The following PTPRM variants were observed in gnomAD, a reference collection of about 807,000 sequenced individuals.
PTPRM encodes the protein protein tyrosine phosphatase receptor type M.
Under a neutral mutation model 186.7 loss-of-function variants are expected in PTPRM, and 47 were observed. The observed-to-expected ratio is 0.25, with a 90% CI of 0.20 to 0.32. The LOEUF (loss-of-function observed/expected upper bound fraction) is 0.32, where lower values mean the gene tolerates loss of function less well. Ranked by LOEUF, PTPRM falls within the 10% of genes least tolerant of loss-of-function variation. The pLI is 1.00. For missense variants in PTPRM, 1,494 were observed against 1,865.0 expected, an observed-to-expected ratio of 0.80 and a Z score of 3.66; for synonymous variants, 668 against 674.9, an observed-to-expected ratio of 0.99 and a Z score of 0.16.
intron 14 of PTPRM, 105 bp from the exon 15 acceptor site, chr18:8,243,953 G>C: frequency 4.4e-6 from 5 of 1,123,958 alleles, no homozygotes; most frequent in Non-Finnish European, 6.3e-6. Flanking sequence ...TGAATGAATA[G>C]GATTAATTCA....
intron 2 of PTPRM, among the ~76,000 whole-genome samples, chr18:7,786,439 C>T (rs950460746): frequency 2.0e-5 from 3 of 152,002 alleles, no homozygotes; most frequent in African/African-American, 7.3e-5. Flanking sequence ...TGTATATTTC[C>T]TTGCTTTGTA....
chr18:7,966,581 T>G (rs8087928), intron 7 of PTPRM, among the ~76,000 whole-genome samples: 123,084 of 141,816 alleles, frequency 0.87, 53,882 homozygotes, highest in East Asian at 0.94. Context: ...GACAGTGGGC[T>G]CAGGTCAGTG....
chr18:7,684,886 T>A (rs1013523599), intron 1 of PTPRM, among the ~76,000 whole-genome samples: 1 of 152,312 alleles, frequency 6.6e-6, no homozygotes, highest in East Asian at 1.9e-4. Flanking sequence ...TGCTGGATCA[T>A]ATGATGTTTC....
rs540264723 is a variant in PTPRM at position 7,848,687 on chromosome 18, C to T, written c.197-39419C>T. 4.6e-5 allele frequency among the ~76,000 whole-genome samples: 7 copies of T among 151,978 alleles called. No homozygotes were observed. In the South Asian group the frequency reaches 1.2e-3, roughly 27 times the overall value. On this transcript the variant is annotated intron_variant, in intron 2 of 32. Transcript: ENST00000580170. ...CTGGGACAGGAGGATTGCTTGAGTC[C>T]GAGAGTTTAAGGCTGTAGTAAACTA... is the stretch of plus-strand genomic sequence containing the variant.
At chr18:7,656,222 T>C (rs2038844345) in intron 1 of PTPRM, among the ~76,000 whole-genome samples, 1 of 152,230 alleles carries the variant, frequency 6.6e-6, no homozygotes, top group Non-Finnish European at 1.5e-5. Flanking sequence ...ATGAAGTATA[T>C]TCCTTTGATG....
chr18:8,377,527 G>A (rs1310240085), intron 26 of PTPRM: 1 of 152,068 alleles, frequency 6.6e-6, no homozygotes, highest in East Asian at 1.9e-4. Flanking sequence ...TACTGGTAGT[G>A]TGCTGTTTTT....
intron 24 of PTPRM, among the ~76,000 whole-genome samples, chr18:8,373,647 C>T (rs143323812): frequency 2.0e-5 from 3 of 152,276 alleles, no homozygotes; most frequent in East Asian, 3.9e-4. Context: ...TTATACAAGA[C>T]AGAACATGAC....
chr18:7,832,219 T>C (rs2045797161), intron 2 of PTPRM, among the ~76,000 whole-genome samples: 2 of 152,220 alleles, frequency 1.3e-5, no homozygotes, highest in Admixed American at 6.5e-5. Flanking sequence ...TCCGAAGTGC[T>C]AGTACTAATT....
At position 7,955,362 on chromosome 18, in the gene PTPRM, G is replaced by A; in HGVS notation, c.1080G>A (p.Glu360=). 6.2e-7 allele frequency: 1 copy of A among 1,614,130 alleles called. No homozygotes were observed. Among genetic ancestry groups the A allele is most frequent in the Non-Finnish European group, 8.5e-7 (1 of 1,179,996 alleles). ...GTGTGCTCCTGACCAGGCCAGGGGAGGGTGGCACTGGCTCTCCTGGTCCAG... is the reference window on the plus strand; with the variant it reads ...GTGTGCTCCTGACCAGGCCAGGGGAAGGTGGCACTGGCTCTCCTGGTCCAG... The part of the protein sequence containing the change: ...EISVLLTRPG[E]GGTGSPGPAL... Residue 360 remains glutamate, a synonymous_variant, in exon 7 of 33, where the codon GAG becomes GAA. Transcript: ENST00000580170.
At chr18:7,844,452 A>G (rs1409012497) in intron 2 of PTPRM, among the ~76,000 whole-genome samples, 1 of 152,100 alleles carries the variant, frequency 6.6e-6, no homozygotes, top group African/African-American at 2.4e-5. Flanking sequence ...CCTGTGAACT[A>G]AAGAGACAAG....
At chr18:7,767,348 G>A (rs759086856) in intron 1 of PTPRM, among the ~76,000 whole-genome samples, 5 of 152,126 alleles carry the variant, frequency 3.3e-5, no homozygotes, top group South Asian at 2.1e-4. Context: ...GATGATTTAC[G>A]TGTACTGGGT....
intron 2 of PTPRM, among the ~76,000 whole-genome samples, chr18:7,874,259 T>C (rs2048120033): frequency 6.6e-6 from 1 of 152,200 alleles, no homozygotes; most frequent in South Asian, 2.1e-4. Context: ...AATTTTTCCT[T>C]TGAAATCTAT....
chr18:8,395,168 C>G (rs1347905393), intron 32 of PTPRM, among the ~76,000 whole-genome samples: 7 of 151,834 alleles, frequency 4.6e-5, no homozygotes, highest in Non-Finnish European at 8.8e-5. Flanking sequence ...AAATGCCAAC[C>G]ACCGTGACTC....
At chr18:7,600,701 T>C (rs1028483844) in intron 1 of PTPRM, among the ~76,000 whole-genome samples, 1 of 152,224 alleles carries the variant, frequency 6.6e-6, no homozygotes, top group African/African-American at 2.4e-5. Context: ...CCTCACTAGC[T>C]GCAGGAGGGA....
intron 7 of PTPRM, among the ~76,000 whole-genome samples, chr18:8,017,505 C>T (rs2084946655): frequency 1.4e-5 from 2 of 145,948 alleles, no homozygotes; most frequent in South Asian, 4.4e-4. Flanking sequence ...ATTGCTTGGA[C>T]CCGGGAGGCA....
chr18:8,273,608 G>A (rs746401477), intron 19 of PTPRM, among the ~76,000 whole-genome samples: 1 of 152,062 alleles, frequency 6.6e-6, no homozygotes, highest in African/African-American at 2.4e-5. Flanking sequence ...TCAGAGCTTT[G>A]TCTAAAAGCT....
chr18:7,821,011 T>C (rs2045160689), intron 2 of PTPRM, among the ~76,000 whole-genome samples: 1 of 152,090 alleles, frequency 6.6e-6, no homozygotes, highest in African/African-American at 2.4e-5. Context: ...GCCTGCCTTG[T>C]GGAGCTACTG....
At chr18:8,088,900 A>G in intron 11 of PTPRM, 49 bp downstream of exon 11, 1 of 1,361,464 alleles carries the variant, frequency 7.3e-7, no homozygotes, top group Non-Finnish European at 1.0e-6. Flanking sequence ...AAACTAAATC[A>G]AGTTGATTAA....
At chr18:8,332,729 A>G (rs2095418584) in intron 22 of PTPRM, among the ~76,000 whole-genome samples, 1 of 152,224 alleles carries the variant, frequency 6.6e-6, no homozygotes, top group South Asian at 2.1e-4. Flanking sequence ...GGTGAGGGGA[A>G]AAGACTCTTG....
Sources: gnomAD v4.1 joint callset for allele counts (sites outside exome capture counted in the v4.1 genomes callset) on GRCh38, gnomAD v4.1.1 for gene constraint, MANE v1.5 for transcripts, NCBI Gene and HGNC (gene_info 2026-07-23, HGNC 2026-07-21) for gene names.